DPP6: variants seen among roughly 807,000 people sequenced by gnomAD.
The protein encoded by DPP6 is dipeptidyl peptidase like 6, also known as A-type potassium channel modulatory protein DPP6.
DPP6 carries 69 observed loss-of-function variants against 122.6 expected under a neutral mutation model. The ratio of observed to expected loss-of-function variants is 0.56; its 90% CI spans 0.46 to 0.69. DPP6 has a LOEUF of 0.69. Ranked by LOEUF, DPP6 falls within the 30% of genes least tolerant of loss-of-function variation. DPP6 has a pLI of 0.00. For missense variants in DPP6, 928 were observed against 1,116.9 expected (o/e 0.83, Z 2.41); for synonymous variants, 418 against 433.1 (o/e 0.97, Z 0.43).
At chr7:154,288,802 C>G (rs1257633668) in intron 1 of DPP6, among the ~76,000 whole-genome samples, 1 of 152,138 alleles carries the variant, frequency 6.6e-6, no homozygotes, top group Non-Finnish European at 1.5e-5. Context: ...ATGCAAATAC[C>G]TGCCTTTGTT....
chr7:154,352,773 C>T (rs1353323856), intron 1 of DPP6, among the ~76,000 whole-genome samples: 12 of 152,254 alleles, frequency 7.9e-5, no homozygotes, highest in South Asian at 2.1e-4. Flanking sequence ...AGCAAACCAC[C>T]GTGGCATGTG....
intron 20 of DPP6, among the ~76,000 whole-genome samples, chr7:154,879,987 C>G (rs3807293): frequency 0.34 from 51,035 of 152,138 alleles, 9,302 homozygotes; most frequent in East Asian, 0.58. Context: ...GTGACAGTGT[C>G]TCGACCAGGA....
chr7:154,873,100 G>A (rs1262312040), intron 19 of DPP6, among the ~76,000 whole-genome samples: 1 of 152,254 alleles, frequency 6.6e-6, no homozygotes, highest in African/African-American at 2.4e-5. Flanking sequence ...TCTGGCCACT[G>A]CCGTGAATGC....
intron 1 of DPP6, among the ~76,000 whole-genome samples, chr7:154,283,445 C>A (rs1302316667): frequency 6.6e-6 from 1 of 151,792 alleles, no homozygotes; most frequent in African/African-American, 2.4e-5. Context: ...AAGAGTTATT[C>A]ATTGTCATCA....
Position 154,876,197 on chromosome 7 carries a change from C to T in DPP6, c.2078+97C>T, listed in dbSNP as rs10269751. ...ACAGTGCGGGAATGCTTTTTCTCCA[C>T]GCACACATTTTTCATGCAATTTGCT... On this transcript the variant is annotated intron_variant, in intron 20 of 25. Transcript: ENST00000377770. 0.038 allele frequency: 53,271 copies of T among 1,389,042 alleles called. 5,178 individuals are homozygous for T. The highest frequency in any genetic ancestry group is 0.33 in the African/African-American group (23,040 of 68,968). 86.0% of individuals were successfully genotyped at this position (1,389,042 alleles called of 1,614,324 possible).
chr7:153,861,237 T>C, the DPP6 span, among the ~76,000 whole-genome samples: 1 of 152,328 alleles, frequency 6.6e-6, no homozygotes, highest in African/African-American at 2.4e-5. Context: ...ATAAACATAT[T>C]TATAATTTAT....
At chr7:154,204,269 A>G (rs1188621233) in intron 1 of DPP6, among the ~76,000 whole-genome samples, 1 of 152,166 alleles carries the variant, frequency 6.6e-6, no homozygotes, top group South Asian at 2.1e-4. Flanking sequence ...ATTGCTTCAA[A>G]TGGGCCAAAT....
chr7:154,219,273 C>T (rs1381221427), intron 1 of DPP6, among the ~76,000 whole-genome samples: 1 of 152,178 alleles, frequency 6.6e-6, no homozygotes, highest in Admixed American at 6.5e-5. Context: ...TTTTCATCTC[C>T]AAGGATAAGA....
chr7:154,511,242 C>T lies in DPP6; in HGVS notation c.458-29290C>T, dbSNP rs377198217. Among the ~76,000 whole-genome samples the T allele has an allele frequency of 2.6e-5, 4 of 152,212 alleles. 1 individual carries two copies. The highest frequency in any genetic ancestry group is 9.6e-5 in the African/African-American group (4 of 41,544). On this transcript the variant is annotated intron_variant, in intron 3 of 25. Coordinates refer to ENST00000377770, the MANE Select transcript of DPP6 (RefSeq NM_130797.4). ...CTAGGTTTAAGGTACTAGGACAAAA[C>T]ATCTAGCATGCATTATCTCTTTTAA...
At chr7:153,916,157 T>C (rs1800303675) in intron 1 of DPP6, among the ~76,000 whole-genome samples, 1 of 151,470 alleles carries the variant, frequency 6.6e-6, no homozygotes, top group African/African-American at 2.4e-5. Flanking sequence ...GTATTTTTAG[T>C]AGAGATGGGG....
At chr7:154,473,972 T>C (rs751743132) in intron 2 of DPP6, among the ~76,000 whole-genome samples, 1 of 152,200 alleles carries the variant, frequency 6.6e-6, no homozygotes, top group Non-Finnish European at 1.5e-5. Context: ...ATATTTAGCA[T>C]CTTCTATTTA....
intron 1 of DPP6, among the ~76,000 whole-genome samples, chr7:154,226,652 C>T (rs990698422): frequency 2.1e-4 from 32 of 152,234 alleles, no homozygotes; most frequent in Non-Finnish European, 4.1e-4. Flanking sequence ...TTTTCAGGAT[C>T]GACTCTACAT....
At chr7:154,550,190 T>TA (rs1273438690) in intron 4 of DPP6, among the ~76,000 whole-genome samples, 2 of 152,210 alleles carry the variant, frequency 1.3e-5, no homozygotes, top group African/African-American at 4.8e-5. Context: ...TGGACAAAGT[T>TA]AGTCATTATT....
intron 1 of DPP6, among the ~76,000 whole-genome samples, chr7:153,898,269 A>G (rs1799492285): frequency 6.6e-6 from 1 of 152,168 alleles, no homozygotes; most frequent in East Asian, 1.9e-4. Context: ...CCTGGGCCAC[A>G]CAACAAGACG....
intron 1 of DPP6, among the ~76,000 whole-genome samples, chr7:154,232,165 G>A (rs936505263): frequency 6.6e-5 from 10 of 152,100 alleles, no homozygotes; most frequent in Non-Finnish European, 1.3e-4. Flanking sequence ...TGACAAAGGG[G>A]CAGGTACTGA....
chr7:154,386,397 G>A (rs1814117969), intron 1 of DPP6, among the ~76,000 whole-genome samples: 2 of 151,976 alleles, frequency 1.3e-5, no homozygotes, highest in African/African-American at 4.8e-5. Flanking sequence ...GGAGGAGACT[G>A]AACTTGGAGA....
chr7:153,824,905 T>C, the DPP6 span, among the ~76,000 whole-genome samples: 2 of 152,278 alleles, frequency 1.3e-5, no homozygotes, highest in African/African-American at 4.8e-5. Flanking sequence ...AAAGTTTGGC[T>C]TCACCTTCTC....
At chr7:154,099,387 A>G (rs1297105664) in intron 1 of DPP6, among the ~76,000 whole-genome samples, 1 of 152,052 alleles carries the variant, frequency 6.6e-6, no homozygotes, top group African/African-American at 2.4e-5. Flanking sequence ...TGCATAGGGA[A>G]CAAAAGCAAA....
chr7:154,176,762 C>T (rs1455701871), intron 1 of DPP6, among the ~76,000 whole-genome samples: 1 of 152,336 alleles, frequency 6.6e-6, no homozygotes, highest in East Asian at 1.9e-4. Flanking sequence ...GCAGGCAGCG[C>T]GTGCCTGGGG....
Sources: allele counts gnomAD v4.1 joint callset (sites outside exome capture counted in the v4.1 genomes callset), GRCh38; gene constraint gnomAD v4.1.1; transcripts MANE v1.5; gene names NCBI Gene and HGNC (gene_info 2026-07-23, HGNC 2026-07-21).